Variants in PTP4A3 observed in about 807,000 individuals in gnomAD.
PTP4A3 encodes the protein protein tyrosine phosphatase type IVA 3.
A neutral mutation model predicts 15.2 loss-of-function variants in PTP4A3; 9 were observed. That is an observed-to-expected ratio of 0.59 (90% CI 0.36 to 1.03). The LOEUF (loss-of-function observed/expected upper bound fraction) is 1.03. PTP4A3 is among the 50% of genes least tolerant of loss of function. PTP4A3 has a pLI of 0.02. For synonymous variants in PTP4A3, 95 were observed against 102.0 expected (o/e 0.93, Z 0.41); for missense variants, 234 against 252.1 (o/e 0.93, Z 0.49).
intron 5 of PTP4A3, among the ~76,000 whole-genome samples, chr8:141,430,708 G>C (rs1484845531): frequency 6.6e-6 from 1 of 152,138 alleles, no homozygotes; most frequent in African/African-American, 2.4e-5. Context: ...TGGCGCTTTG[G>C]TGAGTTTGGA....
intron 1 of PTP4A3, among the ~76,000 whole-genome samples, chr8:141,413,920 T>G (rs541247942): frequency 2.4e-4 from 36 of 152,240 alleles, no homozygotes; most frequent in African/African-American, 8.4e-4. Context: ...AAAGATGCTG[T>G]GTGGACAGGA....
intron 1 of PTP4A3, among the ~76,000 whole-genome samples, chr8:141,400,042 G>A (rs1055426431): frequency 2.6e-5 from 4 of 152,224 alleles, no homozygotes; most frequent in Non-Finnish European, 5.9e-5. Context: ...TGAGTAGCTG[G>A]GACCACAGGC....
intron 1 of PTP4A3, among the ~76,000 whole-genome samples, chr8:141,418,405 C>T (rs1833154566): frequency 6.6e-6 from 1 of 152,204 alleles, no homozygotes; most frequent in Non-Finnish European, 1.5e-5. Context: ...GCGTGTTGTT[C>T]CTGCCTCCTA....
intron 2 of PTP4A3, among the ~76,000 whole-genome samples, chr8:141,424,101 AG>A (rs1392457531): frequency 1.3e-5 from 2 of 151,848 alleles, no homozygotes; most frequent in Non-Finnish European, 2.9e-5. Flanking sequence ...AGGGCCTCTG[AG>A]GTACCCCATG....
chr8:141,404,658 G>C (rs1322398599), intron 1 of PTP4A3, among the ~76,000 whole-genome samples: 1 of 152,218 alleles, frequency 6.6e-6, no homozygotes, highest in East Asian at 1.9e-4. Context: ...TTGGGAGGTG[G>C]TACTGAGTCA....
intron 1 of PTP4A3, among the ~76,000 whole-genome samples, chr8:141,400,278 C>T (rs1256081367): frequency 1.3e-5 from 2 of 151,112 alleles, no homozygotes; most frequent in African/African-American, 2.4e-5. Flanking sequence ...GTGCCCGGCC[C>T]ACATCTGTGC....
At chr8:141,429,429 C>T (rs1013685910) in intron 5 of PTP4A3, among the ~76,000 whole-genome samples, 1 of 152,266 alleles carries the variant, frequency 6.6e-6, no homozygotes, top group Non-Finnish European at 1.5e-5. Context: ...GCTGCAGCAT[C>T]CTCTCCAGGA....
Position 141,422,256 on chromosome 8 carries a change from C to T in PTP4A3, c.16C>T (p.Arg6Cys), listed in dbSNP as rs945482557. The change falls in exon 2 of 6, where the codon CGC becomes TGC. Residue 6 changes from arginine (R) to cysteine (C), a missense_variant. Physicochemically the swap from Arg to Cys is radical, Grantham distance 180. Transcript: ENST00000521578. Reference protein sequence around the residue: MARMNRPAPVEVSYKH... With the variant: MARMNCPAPVEVSYKH... ...GGGAGGCGCCATGGCTCGGATGAAC[C>T]GCCCGGCCCCGGTGGAGGTGAGCTA... is the stretch of plus-strand genomic sequence containing the variant. 30 of 1,613,046 alleles carry T rather than the reference C, an allele frequency of 1.9e-5. No individual in the cohort carries two copies. The highest frequency in any genetic ancestry group is 1.7e-4 in the Middle Eastern group (1 of 6,060).
At chr8:141,415,264 G>T (rs1447279286) in intron 1 of PTP4A3, among the ~76,000 whole-genome samples, 1 of 152,016 alleles carries the variant, frequency 6.6e-6, no homozygotes, top group East Asian at 1.9e-4. Context: ...CCAGCCTGCA[G>T]CAGGCAGTGG....
At chr8:141,427,261 TA>T (rs1408703210) in intron 4 of PTP4A3, among the ~76,000 whole-genome samples, 192 bp downstream of exon 4, 1 of 152,188 alleles carries the variant, frequency 6.6e-6, no homozygotes, top group Non-Finnish European at 1.5e-5. Flanking sequence ...TCCCAAAGTC[TA>T]ACCCAACTTC....
chr8:141,427,178 C>A lies in PTP4A3; in HGVS notation c.329+109C>A, dbSNP rs188622725. 39 of 1,469,132 alleles carry A rather than the reference C, an allele frequency of 2.7e-5. No homozygotes were observed. In the East Asian group the frequency reaches 7.8e-4, roughly 30 times the overall value. 91.0% of individuals were successfully genotyped at this position (1,469,132 alleles called of 1,614,324 possible). On this transcript the variant is annotated intron_variant, in intron 4 of 5. Coordinates refer to ENST00000521578, the MANE Select transcript of PTP4A3 (RefSeq NM_032611.3). ...CTTGAACACACGTCCACGCGACCTTCCCAGGAGGCCCATGCCCCTAGTGCT... is the reference window on the plus strand; with the variant it reads ...CTTGAACACACGTCCACGCGACCTTACCAGGAGGCCCATGCCCCTAGTGCT...
At chr8:141,413,982 G>A (rs530803503) in intron 1 of PTP4A3, among the ~76,000 whole-genome samples, 4 of 152,368 alleles carry the variant, frequency 2.6e-5, no homozygotes, top group East Asian at 1.9e-4. Context: ...GGTGGGCGTC[G>A]TGGGGCTGGA....
At chr8:141,395,854 G>A (rs150037918) in intron 1 of PTP4A3, among the ~76,000 whole-genome samples, 1,547 of 152,294 alleles carry the variant, frequency 0.01, 24 homozygotes, top group African/African-American at 0.034. Context: ...CTCTCCTGGT[G>A]TCTTCCCCAG....
At chr8:141,430,645 C>T (rs1357569135) in intron 5 of PTP4A3, among the ~76,000 whole-genome samples, 3 of 152,130 alleles carry the variant, frequency 2.0e-5, no homozygotes, top group African/African-American at 7.2e-5. Flanking sequence ...TGGGTCCTAC[C>T]GAGCTAGGGA....
chr8:141,419,684 G>C (rs537093616), intron 1 of PTP4A3, among the ~76,000 whole-genome samples: 1 of 151,518 alleles, frequency 6.6e-6, no homozygotes, highest in South Asian at 2.1e-4. Context: ...CGATTCTCCT[G>C]CCTCAGCCTC....
intron 5 of PTP4A3, among the ~76,000 whole-genome samples, chr8:141,428,813 C>A (rs550949808): frequency 6.6e-6 from 1 of 152,206 alleles, no homozygotes; most frequent in Non-Finnish European, 1.5e-5. Flanking sequence ...CACACACTCA[C>A]AGGCAGGTGT....
intron 1 of PTP4A3, among the ~76,000 whole-genome samples, chr8:141,399,706 G>T (rs557529468): frequency 1.5e-4 from 23 of 152,358 alleles, no homozygotes; most frequent in Non-Finnish European, 4.4e-5. Flanking sequence ...GCAATGGATG[G>T]ACGGGGTCCT....
At chr8:141,404,467 A>G (rs1366051924) in intron 1 of PTP4A3, among the ~76,000 whole-genome samples, 2 of 152,220 alleles carry the variant, frequency 1.3e-5, no homozygotes, top group Non-Finnish European at 2.9e-5. Flanking sequence ...TCTGGCCCCC[A>G]TGAGTCCAGC....
intron 1 of PTP4A3, among the ~76,000 whole-genome samples, chr8:141,395,058 G>A (rs974045121): frequency 1.6e-4 from 25 of 152,224 alleles, no homozygotes; most frequent in African/African-American, 5.5e-4. Flanking sequence ...TGAGCAGAGG[G>A]TGGAGGGTCC....
Sources: allele counts gnomAD v4.1 joint callset (sites outside exome capture counted in the v4.1 genomes callset), GRCh38; gene constraint gnomAD v4.1.1; transcripts MANE v1.5; gene names NCBI Gene and HGNC (gene_info 2026-07-23, HGNC 2026-07-21).